Variants in PTPRG observed in about 807,000 individuals in gnomAD.
The protein encoded by PTPRG is protein tyrosine phosphatase receptor type G, also known as receptor-type tyrosine-protein phosphatase gamma.
PTPRG carries 102 observed loss-of-function variants against 165.3 expected under a neutral mutation model. The observed-to-expected ratio is 0.62, with a 90% CI of 0.53 to 0.73. The LOEUF (loss-of-function observed/expected upper bound fraction) is 0.73, where lower values mean the gene tolerates loss of function less well. Ranked by LOEUF, PTPRG falls within the 30% of genes least tolerant of loss-of-function variation. PTPRG has a pLI of 0.00. For synonymous variants in PTPRG, 675 were observed against 669.5 expected, an observed-to-expected ratio of 1.01 and a Z score of -0.13; for missense variants, 1,866 against 1,861.4, an observed-to-expected ratio of 1.00 and a Z score of -0.05.
At chr3:61,971,844 A>G (rs958901410) in intron 2 of PTPRG, among the ~76,000 whole-genome samples, 2 of 152,262 alleles carry the variant, frequency 1.3e-5, no homozygotes, top group African/African-American at 4.8e-5. Flanking sequence ...AAAATCCACT[A>G]TTTTAAAGTT....
chr3:62,012,315 T>C (rs1257584949), intron 4 of PTPRG, among the ~76,000 whole-genome samples: 2 of 152,182 alleles, frequency 1.3e-5, no homozygotes, highest in Non-Finnish European at 2.9e-5. Context: ...ATTAGGTAAG[T>C]AATTCTGCTG....
intron 1 of PTPRG, among the ~76,000 whole-genome samples, chr3:61,714,091 A>G (rs2031696540): frequency 6.6e-6 from 1 of 152,212 alleles, no homozygotes; most frequent in Non-Finnish European, 1.5e-5. Flanking sequence ...GCTTTCTAAA[A>G]TATGAGCTCT....
chr3:61,775,267 C>T (rs1358652108), intron 2 of PTPRG, among the ~76,000 whole-genome samples: 1 of 152,136 alleles, frequency 6.6e-6, no homozygotes, highest in African/African-American at 2.4e-5. Flanking sequence ...GATGGGGTTT[C>T]ACCATGGTGG....
chr3:61,831,675 A>G lies in PTPRG; in HGVS notation c.190+82693A>G, dbSNP rs115080914. Among the ~76,000 whole-genome samples, 597 of 152,322 alleles carry G rather than the reference A, an allele frequency of 3.9e-3. 5 individuals carry two copies. The highest frequency in any genetic ancestry group is 0.013 in the African/African-American group (557 of 41,572). The stretch of plus-strand genomic sequence containing the variant: ...GACTTAGGAATTTCAGGAATGGATG[A>G]GTTAGGAAAATGCCAATGACCATGG... On this transcript the variant is annotated intron_variant, in intron 2 of 29. Coordinates refer to ENST00000474889, the MANE Select transcript of PTPRG (RefSeq NM_002841.4).
intron 1 of PTPRG, among the ~76,000 whole-genome samples, chr3:61,579,879 C>T (rs911609248): frequency 3.5e-4 from 53 of 152,100 alleles, no homozygotes; most frequent in African/African-American, 1.0e-3. Flanking sequence ...AGCTGACCCT[C>T]GAACAACATG....
intron 4 of PTPRG, among the ~76,000 whole-genome samples, chr3:62,051,783 C>A (rs571990298): frequency 6.6e-6 from 1 of 152,162 alleles, no homozygotes; most frequent in South Asian, 2.1e-4. Context: ...TTGCAGCCGG[C>A]GCCCTCATGT....
intron 1 of PTPRG, among the ~76,000 whole-genome samples, chr3:61,669,886 G>T (rs1702920358): frequency 6.6e-6 from 1 of 152,142 alleles, no homozygotes; most frequent in African/African-American, 2.4e-5. Flanking sequence ...GAATGCAGGT[G>T]GTGATCAGTG....
At chr3:61,803,308 T>C (rs2035303210) in intron 2 of PTPRG, among the ~76,000 whole-genome samples, 1 of 152,220 alleles carries the variant, frequency 6.6e-6, no homozygotes. Flanking sequence ...CAACCTGCAA[T>C]CGATAAAAAA....
At chr3:61,771,511 A>T (rs1244750787) in intron 2 of PTPRG, 1 of 152,188 alleles carries the variant, frequency 6.6e-6, no homozygotes, top group Non-Finnish European at 1.5e-5. Context: ...GTCACTTAAG[A>T]TCATCAAATG....
intron 1 of PTPRG, among the ~76,000 whole-genome samples, chr3:61,663,411 A>G (rs1380447012): frequency 6.6e-6 from 1 of 152,182 alleles, no homozygotes; most frequent in Non-Finnish European, 1.5e-5. Context: ...AAGCCTCAAT[A>G]TCCTGCTCTG....
At chr3:62,138,567 C>A (rs1015831439) in intron 6 of PTPRG, among the ~76,000 whole-genome samples, 1 of 151,854 alleles carries the variant, frequency 6.6e-6, no homozygotes, top group Admixed American at 6.6e-5. Context: ...AAAAATACAA[C>A]AATTAGCCAG....
intron 28 of PTPRG, among the ~76,000 whole-genome samples, chr3:62,284,922 T>C (rs1702583993): frequency 6.6e-6 from 1 of 152,148 alleles, no homozygotes; most frequent in South Asian, 2.1e-4. Context: ...GCATGCCACC[T>C]TGCCCCTGCA....
chr3:62,239,345 CTTTCTTT>C (rs918396729), intron 14 of PTPRG, among the ~76,000 whole-genome samples: 8 of 144,288 alleles, frequency 5.5e-5, no homozygotes, highest in African/African-American at 2.0e-4. Context: ...TTCTTTCTTT[CTTTCTTT>C]TTTCTTTCTT....
chr3:61,968,978 G>A (rs988318751), intron 2 of PTPRG, among the ~76,000 whole-genome samples: 9 of 152,132 alleles, frequency 5.9e-5, no homozygotes, highest in South Asian at 2.1e-4. Flanking sequence ...ATGATGTCAC[G>A]TATAATTAAA....
rs770328527 is a variant in PTPRG at position 61,659,273 on chromosome 3, T to C, written c.86-89605T>C. 740 of 979,908 alleles carry C rather than the reference T, an allele frequency of 7.6e-4. 1 individual carries two copies. Among genetic ancestry groups the C allele is most frequent in the Non-Finnish European group, 8.6e-4 (713 of 824,870 alleles). 60.7% of individuals were successfully genotyped at this position (979,908 alleles called of 1,614,324 possible). On this transcript the variant is annotated intron_variant, in intron 1 of 29. Transcript: ENST00000474889. The stretch of plus-strand genomic sequence containing the variant: ...GCTTCATATAGGCATATACAATGTA[T>C]GTTTTCTTTCATCGACAAAGGCACT...
chr3:61,984,132 T>G (rs1410125089), intron 2 of PTPRG, among the ~76,000 whole-genome samples: 1 of 152,176 alleles, frequency 6.6e-6, no homozygotes, highest in African/African-American at 2.4e-5. Flanking sequence ...TGTGGAAATA[T>G]GTCTTCCTGA....
intron 2 of PTPRG, among the ~76,000 whole-genome samples, chr3:61,916,409 A>G (rs1330071525): frequency 6.6e-6 from 1 of 152,198 alleles, no homozygotes; most frequent in East Asian, 1.9e-4. Flanking sequence ...ATGGCACCAA[A>G]GAGACTATTT....
chr3:62,114,972 A>G (rs1483607645), intron 5 of PTPRG, among the ~76,000 whole-genome samples: 1 of 152,124 alleles, frequency 6.6e-6, no homozygotes, highest in East Asian at 1.9e-4. Context: ...TAAAGCCCCA[A>G]ATCACTATGG....
At chr3:62,236,611 A>G (rs1233195786) in intron 14 of PTPRG, among the ~76,000 whole-genome samples, 2 of 152,220 alleles carry the variant, frequency 1.3e-5, no homozygotes, top group African/African-American at 4.8e-5. Flanking sequence ...CTAGTCTGCA[A>G]TTAGAATTTT....
Sources: allele counts gnomAD v4.1 joint callset (sites outside exome capture counted in the v4.1 genomes callset), GRCh38; gene constraint gnomAD v4.1.1; transcripts MANE v1.5; gene names NCBI Gene and HGNC (gene_info 2026-07-23, HGNC 2026-07-21).